NFIA: variants seen among roughly 807,000 people sequenced by gnomAD.
NFIA encodes nuclear factor I A.
A neutral mutation model predicts 62.8 loss-of-function variants in NFIA; 8 were observed. That is an observed-to-expected ratio of 0.13 (90% CI 0.07 to 0.23). NFIA has a LOEUF of 0.23. Ranked by LOEUF, NFIA falls within the 10% of genes least tolerant of loss-of-function variation. The pLI is 1.00. For synonymous variants in NFIA, 235 were observed against 238.1 expected (o/e 0.99, Z 0.12); for missense variants, 410 against 642.1 (o/e 0.64, Z 3.91).
chr1:61,329,747 C>T (rs1039171899), intron 3 of NFIA, among the ~76,000 whole-genome samples: 1 of 152,154 alleles, frequency 6.6e-6, no homozygotes, highest in African/African-American at 2.4e-5. Context: ...TAGCATGATG[C>T]ATGGCACATA....
intron 2 of NFIA, among the ~76,000 whole-genome samples, chr1:61,219,940 AG>A (rs1234742921): frequency 2.6e-5 from 4 of 151,734 alleles, no homozygotes; most frequent in Non-Finnish European, 5.9e-5. Flanking sequence ...TCCAGCCTGG[AG>A]ACAGAACGAG....
At chr1:61,344,674 A>G (rs1212400607) in intron 4 of NFIA, among the ~76,000 whole-genome samples, 1 of 152,248 alleles carries the variant, frequency 6.6e-6, no homozygotes, top group Non-Finnish European at 1.5e-5. Flanking sequence ...AAAGTGCTCC[A>G]TAAATATTGT....
chr1:61,281,908 A>G (rs1658158449), intron 3 of NFIA, among the ~76,000 whole-genome samples: 1 of 152,252 alleles, frequency 6.6e-6, no homozygotes, highest in Non-Finnish European at 1.5e-5. Context: ...ATTAATAAGT[A>G]GATGAATATA....
chr1:61,202,451 A>G (rs1365005624), intron 2 of NFIA, among the ~76,000 whole-genome samples: 1 of 152,170 alleles, frequency 6.6e-6, no homozygotes. Context: ...CACAAGGTAC[A>G]TTTTTGAGAT....
At chr1:61,446,542 C>T (rs1469288133) in intron 10 of NFIA, among the ~76,000 whole-genome samples, 3 of 152,094 alleles carry the variant, frequency 2.0e-5, no homozygotes, top group Non-Finnish European at 4.4e-5. Context: ...AAAGAGGTAA[C>T]GAGCAGACCT....
At chr1:61,334,411 C>T (rs1487395061) in intron 4 of NFIA, among the ~76,000 whole-genome samples, 1 of 151,362 alleles carries the variant, frequency 6.6e-6, no homozygotes, top group African/African-American at 2.4e-5. Context: ...AGACAAATAA[C>T]AGTGCATCTG....
chr1:61,415,608 A>G lies in NFIA; in HGVS notation c.1420+8881A>G, dbSNP rs1301084286. Among the ~76,000 whole-genome samples, 3 of 152,156 alleles carry G rather than the reference A, an allele frequency of 2.0e-5. 1 individual carries two copies. The highest frequency in any genetic ancestry group is 4.4e-5 in the Non-Finnish European group (3 of 67,982). On this transcript the variant is annotated intron_variant, in intron 9 of 10. Transcript: ENST00000403491. ...TGATTAAAACTTGAGTGATATTTTT[A>G]CCTATTAGATTAGCAAAGATCAAAA...
At chr1:61,327,353 C>T (rs1661001629) in intron 3 of NFIA, among the ~76,000 whole-genome samples, 1 of 151,832 alleles carries the variant, frequency 6.6e-6, no homozygotes, top group Non-Finnish European at 1.5e-5. Context: ...GCATCCCTCA[C>T]CCAAGTAGTG....
intron 3 of NFIA, among the ~76,000 whole-genome samples, chr1:61,307,944 G>T (rs1007110414): frequency 1.3e-5 from 2 of 152,186 alleles, no homozygotes; most frequent in Non-Finnish European, 2.9e-5. Flanking sequence ...GCAGTAAACT[G>T]CTCCCCAGAG....
chr1:61,134,277 TGTG>T (rs1221388752), intron 2 of NFIA, among the ~76,000 whole-genome samples: 1 of 149,698 alleles, frequency 6.7e-6, no homozygotes, highest in African/African-American at 2.5e-5. Flanking sequence ...TGTGTGTGTG[TGTG>T]TGTGTGTACA....
intron 3 of NFIA, among the ~76,000 whole-genome samples, chr1:61,327,425 C>T (rs984080840): frequency 6.6e-6 from 1 of 151,900 alleles, no homozygotes; most frequent in African/African-American, 2.4e-5. Flanking sequence ...GCCGCCCCCT[C>T]CTGAGTCTCT....
At chr1:61,138,070 G>T (rs1385789670) in intron 2 of NFIA, among the ~76,000 whole-genome samples, 3 of 150,766 alleles carry the variant, frequency 2.0e-5, no homozygotes, top group Non-Finnish European at 2.9e-5. Flanking sequence ...CAATTTCTTA[G>T]TAAAACAAAA....
rs952520290 is a variant in NFIA, at chr1:61,285,946, G to A, written c.625+8361G>A. 5.3e-5 allele frequency among the ~76,000 whole-genome samples: 8 copies of A among 152,278 alleles called. No homozygotes were observed. The South Asian group carries it at 6.2e-4, about 12-fold the overall frequency. On this transcript the variant is annotated intron_variant, in intron 3 of 10. Coordinates refer to ENST00000403491, the MANE Select transcript of NFIA (RefSeq NM_001134673.4). ...CAACCAGAGAGCTTCTCAGCAAGTA[G>A]CACTTGTAAACTCAGAGATGAACAA...
intron 2 of NFIA, among the ~76,000 whole-genome samples, chr1:61,192,011 T>A (rs1205874502): frequency 6.6e-6 from 1 of 152,080 alleles, no homozygotes; most frequent in Non-Finnish European, 1.5e-5. Context: ...CCAGGCTGGA[T>A]TGCAGTGGTG....
At chr1:61,133,910 G>A (rs1231968503) in intron 2 of NFIA, among the ~76,000 whole-genome samples, 1 of 152,074 alleles carries the variant, frequency 6.6e-6, no homozygotes, top group East Asian at 1.9e-4. Flanking sequence ...GGGAGGCTGA[G>A]GGGGTGGATC....
intron 2 of NFIA, among the ~76,000 whole-genome samples, chr1:61,231,546 G>T (rs1654669774): frequency 6.6e-6 from 1 of 151,424 alleles, no homozygotes; most frequent in Non-Finnish European, 1.5e-5. Flanking sequence ...AAATATCCAT[G>T]TTCTTTTATA....
chr1:61,338,880 G>A (rs1465601448), intron 4 of NFIA, among the ~76,000 whole-genome samples: 3 of 152,146 alleles, frequency 2.0e-5, no homozygotes, highest in Non-Finnish European at 2.9e-5. Context: ...TAAGTAACAC[G>A]ATAGCTGTGA....
chr1:61,388,973 G>A (rs945630829), intron 7 of NFIA, among the ~76,000 whole-genome samples: 1 of 152,068 alleles, frequency 6.6e-6, no homozygotes. Flanking sequence ...AATTAGGAGA[G>A]CATAGTGGTA....
At chr1:61,330,737 T>G (rs2100389557) in intron 3 of NFIA, among the ~76,000 whole-genome samples, 1 of 152,156 alleles carries the variant, frequency 6.6e-6, no homozygotes, top group East Asian at 1.9e-4. Flanking sequence ...ATGAGGAATT[T>G]CAAAGATTGG....
Sources: allele counts gnomAD v4.1 joint callset (sites outside exome capture counted in the v4.1 genomes callset), GRCh38; gene constraint gnomAD v4.1.1; transcripts MANE v1.5; gene names NCBI Gene and HGNC (gene_info 2026-07-23, HGNC 2026-07-21).